Variants in GALNTL6 observed in about 807,000 individuals in gnomAD.
GALNTL6 encodes polypeptide N-acetylgalactosaminyltransferase-like 6.
In GALNTL6, 46 loss-of-function variants were observed where a neutral mutation model predicts 73.7. The observed-to-expected ratio is 0.62, with a 90% CI of 0.49 to 0.80. The LOEUF is 0.80. Among genes scored for constraint, GALNTL6 ranks in the 30% least tolerant of loss-of-function variants. The probability of loss-of-function intolerance (pLI) is 0.00; values close to 1 mark genes in which losing one functional copy is unlikely to be tolerated. For missense variants in GALNTL6, 604 were observed against 755.0 expected, an observed-to-expected ratio of 0.80 and a Z score of 2.34; for synonymous variants, 259 against 263.7, an observed-to-expected ratio of 0.98 and a Z score of 0.17.
chr4:172,552,246 G>A (rs1735981430), intron 5 of GALNTL6, among the ~76,000 whole-genome samples: 1 of 152,044 alleles, frequency 6.6e-6, no homozygotes, highest in South Asian at 2.1e-4. Flanking sequence ...CATCTTTCAT[G>A]CATTTTTAAT....
intron 2 of GALNTL6, among the ~76,000 whole-genome samples, chr4:171,823,131 G>T (rs1333347523): frequency 6.6e-6 from 1 of 152,036 alleles, no homozygotes; most frequent in Admixed American, 6.6e-5. Context: ...TTTGTCCCTG[G>T]TATTCTCTTG....
intron 2 of GALNTL6, among the ~76,000 whole-genome samples, chr4:171,870,180 T>A (rs191846813): frequency 6.6e-6 from 1 of 152,210 alleles, no homozygotes; most frequent in Non-Finnish European, 1.5e-5. Flanking sequence ...TGGACTAAGA[T>A]TATATTCTGC....
intron 2 of GALNTL6, among the ~76,000 whole-genome samples, chr4:171,838,102 TTCTG>T (rs1312117314): frequency 1.4e-5 from 2 of 141,136 alleles, no homozygotes; most frequent in Admixed American, 7.1e-5. Flanking sequence ...AATTCATTGT[TTCTG>T]TCTATTTATT....
chr4:172,957,783 A>G (rs1749821047), intron 10 of GALNTL6, among the ~76,000 whole-genome samples: 1 of 152,206 alleles, frequency 6.6e-6, no homozygotes, highest in Non-Finnish European at 1.5e-5. Flanking sequence ...ATTTAAGGCA[A>G]TGAGTTCGGC....
chr4:172,994,845 G>C, intron 10 of GALNTL6, among the ~76,000 whole-genome samples: 1 of 152,160 alleles, frequency 6.6e-6, no homozygotes, highest in Non-Finnish European at 1.5e-5. Flanking sequence ...CTCAGAACCA[G>C]TCCCATGATT....
At chr4:172,907,590 G>C (rs1019653269) in intron 8 of GALNTL6, among the ~76,000 whole-genome samples, 1 of 152,182 alleles carries the variant, frequency 6.6e-6, no homozygotes, top group Non-Finnish European at 1.5e-5. Context: ...TATCCATGTG[G>C]ATACATTCCA....
chr4:171,986,552 G>C (rs1740094635), intron 2 of GALNTL6, among the ~76,000 whole-genome samples: 1 of 152,258 alleles, frequency 6.6e-6, no homozygotes, highest in African/African-American at 2.4e-5. Flanking sequence ...GTGGTATGGA[G>C]AGATAATGGG....
At chr4:171,821,288 A>G (rs565422513) in intron 2 of GALNTL6, among the ~76,000 whole-genome samples, 1 of 151,994 alleles carries the variant, frequency 6.6e-6, no homozygotes, top group South Asian at 2.1e-4. Context: ...AGATCCCCCC[A>G]CTTCAGCCTC....
chr4:172,224,664 G>T (rs972819122), intron 2 of GALNTL6, among the ~76,000 whole-genome samples: 1 of 152,126 alleles, frequency 6.6e-6, no homozygotes, highest in Admixed American at 6.6e-5. Context: ...TGTAACAGTA[G>T]CAGGCATCAC....
At chr4:172,160,884 A>G (rs980408492) in intron 2 of GALNTL6, among the ~76,000 whole-genome samples, 4 of 139,844 alleles carry the variant, frequency 2.9e-5, no homozygotes, top group Non-Finnish European at 6.2e-5. Flanking sequence ...GATTATATAT[A>G]TATATAGACA....
intron 5 of GALNTL6, among the ~76,000 whole-genome samples, chr4:172,584,641 G>A (rs1737332370): frequency 6.6e-6 from 1 of 152,206 alleles, no homozygotes; most frequent in Non-Finnish European, 1.5e-5. Flanking sequence ...GGTGGTTGTG[G>A]AGCTATTTTT....
At chr4:172,828,549 T>C (rs1742409787) in intron 7 of GALNTL6, among the ~76,000 whole-genome samples, 1 of 152,096 alleles carries the variant, frequency 6.6e-6, no homozygotes, top group South Asian at 2.1e-4. Flanking sequence ...ATCACCATCA[T>C]GTGTTAAATT....
At chr4:172,675,327 G>T (rs548626563) in intron 5 of GALNTL6, among the ~76,000 whole-genome samples, 113 of 152,336 alleles carry the variant, frequency 7.4e-4, no homozygotes, top group Middle Eastern at 3.4e-3. Context: ...GCTCCCCAAG[G>T]TTTGGAATCC....
chr4:173,024,595 T>C (rs1753155277), intron 12 of GALNTL6, among the ~76,000 whole-genome samples: 1 of 152,204 alleles, frequency 6.6e-6, no homozygotes. Context: ...TTTTGTTTGT[T>C]TTTTGAGACG....
chr4:172,144,093 A>T, intron 2 of GALNTL6, among the ~76,000 whole-genome samples: 1 of 152,146 alleles, frequency 6.6e-6, no homozygotes. Flanking sequence ...TTATTTCTCC[A>T]TGACTTCAGG....
chr4:172,759,862 C>T (rs1737972313), intron 5 of GALNTL6, among the ~76,000 whole-genome samples: 1 of 118,736 alleles, frequency 8.4e-6, no homozygotes, highest in African/African-American at 3.3e-5. Context: ...CGGAGTCTCG[C>T]TCTGTCGCCC....
Position 171,992,445 on chromosome 4 carries a change from T to C in GALNTL6, c.138+177727T>C, listed in dbSNP as rs575143487. Among the ~76,000 whole-genome samples, 4 of 152,186 alleles carry C rather than the reference T, an allele frequency of 2.6e-5. No individual in the cohort carries two copies. In the East Asian group the frequency reaches 7.7e-4, roughly 29 times the overall value. ...AAGTCTCAAGTCTATGAATTTCTTATGGGACCAGTGCAGAACAGGTAATAT... is the reference window on the plus strand; with the variant it reads ...AAGTCTCAAGTCTATGAATTTCTTACGGGACCAGTGCAGAACAGGTAATAT... On this transcript the variant is annotated intron_variant, in intron 2 of 12. Transcript: ENST00000506823.
intron 2 of GALNTL6, among the ~76,000 whole-genome samples, chr4:172,008,716 A>G (rs1205137400): frequency 6.6e-6 from 1 of 151,958 alleles, no homozygotes. Flanking sequence ...TCTCCTTTTC[A>G]TTGTCTTGTT....
At chr4:172,393,049 G>A (rs536722658) in intron 5 of GALNTL6, among the ~76,000 whole-genome samples, 21 of 152,084 alleles carry the variant, frequency 1.4e-4, no homozygotes, top group Non-Finnish European at 2.6e-4. Context: ...AGGTTGAGCC[G>A]TCCTTATGAG....
Sources: gnomAD v4.1 joint callset for allele counts (sites outside exome capture counted in the v4.1 genomes callset) on GRCh38, gnomAD v4.1.1 for gene constraint, MANE v1.5 for transcripts, NCBI Gene and HGNC (gene_info 2026-07-23, HGNC 2026-07-21) for gene names.